KIF17: variants seen among roughly 807,000 people sequenced by gnomAD.
KIF17 encodes kinesin-like protein KIF17.
Under a neutral mutation model 96.8 loss-of-function variants are expected in KIF17, and 80 were observed. The observed-to-expected ratio is 0.83, with a 90% CI of 0.69 to 1.00. The LOEUF is 1.00. Among genes scored for constraint, KIF17 ranks in the 50% least tolerant of loss-of-function variants. The pLI is 0.00. For synonymous variants in KIF17, 567 were observed against 587.5 expected (o/e 0.97, Z 0.51); for missense variants, 1,280 against 1,372.9 (o/e 0.93, Z 1.07).
chr1:20,715,679 A>T (rs1390948408), intron 1 of KIF17, 40 bp from the exon 2 acceptor site: 1 of 1,612,890 alleles, frequency 6.2e-7, no homozygotes, highest in East Asian at 2.2e-5. Context: ...TCAGTGGAGC[A>T]GGCACAGCAG....
chr1:20,664,303 G>T lies in KIF17; in HGVS notation c.*281C>A. 7.4e-7 allele frequency: 1 copy of T among 1,357,038 alleles called. No individual in the cohort carries two copies. Among genetic ancestry groups the T allele is most frequent in the Middle Eastern group, 2.8e-4 (1 of 3,546 alleles). The allele number at this position is 1,357,038 out of a possible 1,614,324, so 84.1% of individuals were successfully genotyped here. A position where few individuals can be genotyped will look rare whatever the true frequency, so the allele number is the denominator to read the frequency against. On this transcript the variant is annotated 3_prime_UTR_variant, in exon 15 of 15. Coordinates refer to ENST00000400463, the MANE Select transcript of KIF17 (RefSeq NM_001122819.3). ...AAGACCAACACTGGTGGGCATGGGT[G>T]TGGGCTCTGTGGCAGGTGAGCAGAC...
rs761901347 is a variant in KIF17, at chr1:20,690,321, G to A, written c.1248C>T (p.Arg416=). 2.3e-6 allele frequency: 3 copies of A among 1,304,412 alleles called. No individual in the cohort carries two copies. The highest frequency in any genetic ancestry group is 3.5e-5 in the East Asian group (1 of 28,614). The allele number at this position is 1,304,412 out of a possible 1,614,324, so 80.8% of individuals were successfully genotyped here. A position where few individuals can be genotyped will look rare whatever the true frequency, so the allele number is the denominator to read the frequency against. The change falls in exon 7 of 15, where the codon CGC becomes CGT. Residue 416 remains arginine (R), a synonymous_variant. Transcript: ENST00000400463. ...TATAGTCGGCTTTCAGCCGGGCCAG[G>A]CGCTCTTCATACTCCTGGGGGGGTG... ...KQLIREEYEE[R]LARLKADYKA... is the part of the protein sequence containing the mutation.
At chr1:20,716,036 CAGG>C (rs1213044334) in intron 1 of KIF17, among the ~76,000 whole-genome samples, 1 of 152,176 alleles carries the variant, frequency 6.6e-6, no homozygotes, top group East Asian at 1.9e-4. Flanking sequence ...TACCTGAGGT[CAGG>C]AGTTCAAAAC....
chr1:20,671,866 C>T, intron 12 of KIF17, 72 bp downstream of exon 12: 3 of 1,569,856 alleles, frequency 1.9e-6, no homozygotes, highest in Non-Finnish European at 2.6e-6. Context: ...GAGGCCCACA[C>T]TCCCTGCCAG....
At chr1:20,690,043 TG>T in intron 7 of KIF17, 144 bp downstream of exon 7, 1 of 836,222 alleles carries the variant, frequency 1.2e-6, no homozygotes, top group Non-Finnish European at 1.9e-6. Context: ...AGCATAATTG[TG>T]GTACCTACCT....
intron 6 of KIF17, among the ~76,000 whole-genome samples, chr1:20,690,549 G>C (rs998250559): frequency 1.3e-5 from 2 of 151,810 alleles, no homozygotes; most frequent in Non-Finnish European, 2.9e-5. Flanking sequence ...TTGAGACAGG[G>C]TCTCACTCTG....
Position 20,717,569 on chromosome 1 carries a change from G to C in KIF17, c.138C>G (p.Asp46Glu). 6.2e-7 allele frequency: 1 copy of C among 1,611,794 alleles called. No individual in the cohort carries two copies. The part of the protein sequence containing the change: ...QCCIQNPGAA[D>E]EPPKQFTFDG... ...CGAAGGTGAACTGCTTGGGCGGCTCGTCGGCGGCGCCCGGGTTCTGGATGC... is the reference window on the plus strand; with the variant it reads ...CGAAGGTGAACTGCTTGGGCGGCTCCTCGGCGGCGCCCGGGTTCTGGATGC... Residue 46 changes from aspartate (D) to glutamate (E), a missense_variant, in exon 1 of 15, where the codon GAC becomes GAG. Transcript: ENST00000400463.
intron 2 of KIF17, among the ~76,000 whole-genome samples, chr1:20,714,099 A>G (rs530251094): frequency 1.6e-4 from 24 of 151,944 alleles, no homozygotes; most frequent in Non-Finnish European, 2.8e-4. Context: ...AGGCCAAGGC[A>G]GGCACATCAC....
rs1377491189 is a variant in KIF17 at position 20,699,950 on chromosome 1, G to C, written c.1124-1462C>G. Among the ~76,000 whole-genome samples the C allele has an allele frequency of 1.3e-5, 2 of 152,240 alleles. No homozygotes were observed. Among genetic ancestry groups the C allele is most frequent in the East Asian group, 3.9e-4 (2 of 5,190 alleles). On this transcript the variant is annotated intron_variant, in intron 5 of 14. Transcript: ENST00000400463. The surrounding 1 kb of genome is among the most constrained non-coding windows in gnomAD (Gnocchi z 4.3). ...CTTGCATTTGAACAGGCTCTCCCTGGCTGCTGCGTGGAGAGTGCACTGAGG... is the reference window on the plus strand; with the variant it reads ...CTTGCATTTGAACAGGCTCTCCCTGCCTGCTGCGTGGAGAGTGCACTGAGG...
rs542095772 is a variant in KIF17 at position 20,674,491 on chromosome 1, C to T, written c.2464-2295G>A. ...TGTTGTCCAGGCTGGTCTTGAACTC[C>T]TGGGTTCAAGCGATCCTCCCACTTC... On this transcript the variant is annotated intron_variant, in intron 11 of 14. Transcript: ENST00000400463. Among the ~76,000 whole-genome samples, 3 of 151,982 alleles carry T rather than the reference C, an allele frequency of 2.0e-5. No homozygotes were observed. The South Asian group carries it at 6.2e-4, about 32-fold the overall frequency.
At chr1:20,675,846 A>C (rs535070699) in intron 11 of KIF17, among the ~76,000 whole-genome samples, 1 of 151,856 alleles carries the variant, frequency 6.6e-6, no homozygotes, top group Non-Finnish European at 1.5e-5. Context: ...TTACTTTCAC[A>C]TTTTTTCATT....
Position 20,685,106 on chromosome 1 carries a change from G to C in KIF17, c.2020-86C>G, listed in dbSNP as rs944098772. 5 of 1,070,752 alleles carry C rather than the reference G, an allele frequency of 4.7e-6. No homozygotes were observed. Among genetic ancestry groups the C allele is most frequent in the Middle Eastern group, 2.0e-4 (1 of 5,072 alleles). The allele number at this position is 1,070,752 out of a possible 1,614,324, so 66.3% of individuals were successfully genotyped here. ...TCCCAGGTGGCTCAATCCCAGACGG[G>C]GCCATTCCGCCTGCTGCAGCCCCGA... On this transcript the variant is annotated intron_variant, in intron 9 of 14. Coordinates refer to ENST00000400463, the MANE Select transcript of KIF17 (RefSeq NM_001122819.3). The surrounding 1 kb of genome is among the most constrained non-coding windows in gnomAD (Gnocchi z 4.1).
intron 14 of KIF17, among the ~76,000 whole-genome samples, chr1:20,665,952 C>T (rs2053519173): frequency 6.6e-6 from 1 of 152,188 alleles, no homozygotes; most frequent in Non-Finnish European, 1.5e-5. Context: ...GCACTGAGTG[C>T]CTACTAGGGG....
rs2053853959 is a variant in KIF17 at position 20,682,778 on chromosome 1, G to A, written c.2338C>T (p.Gln780Ter). The A allele has an allele frequency of 1.9e-6, 3 of 1,612,870 alleles. No homozygotes were observed. Among genetic ancestry groups the A allele is most frequent in the Non-Finnish European group, 2.5e-6 (3 of 1,180,044 alleles). ...GAGTTCTGCAGGGCAGCCACCAGCT[G>A]CTTCCTGCGCTCGTCTGCGTAGCGC... ...RKRYADERRK[Q>*]LVAALQNSDE... Residue 780 changes from glutamine to a stop codon, truncating the protein, a stop_gained, in exon 11 of 15, where the codon CAG (glutamine) becomes TAG (stop). Coordinates refer to ENST00000400463, the MANE Select transcript of KIF17 (RefSeq NM_001122819.3). LOFTEE classifies it high-confidence loss of function.
At position 20,699,684 on chromosome 1, in the gene KIF17, G is replaced by A. The variant is rs1426345550; in HGVS notation, c.1124-1196C>T. On this transcript the variant is annotated intron_variant, in intron 5 of 14. Coordinates refer to ENST00000400463, the MANE Select transcript of KIF17 (RefSeq NM_001122819.3). This position sits in a 1 kb window ranked among gnomAD's most constrained non-coding sequence, Gnocchi z 4.3. The stretch of plus-strand genomic sequence containing the variant: ...CTAGACAGGAGGCGCTTGCTAGACA[G>A]GGGGAGCTTGCTAGACAGGGGGAGC... Among the ~76,000 whole-genome samples the A allele has an allele frequency of 6.6e-6, 1 of 152,152 alleles. No individual in the cohort carries two copies. The highest frequency in any genetic ancestry group is 1.5e-5 in the Non-Finnish European group (1 of 68,010).
At chr1:20,710,141 C>G (rs1308284014) in intron 3 of KIF17, among the ~76,000 whole-genome samples, 1 of 152,216 alleles carries the variant, frequency 6.6e-6, no homozygotes, top group Non-Finnish European at 1.5e-5. Context: ...ATAAGGCACA[C>G]ACAATGCTTA....
rs746439314 is a variant in KIF17, at chr1:20,704,729, G to A, written c.841C>T (p.Arg281Cys). 2.4e-5 allele frequency: 39 copies of A among 1,612,930 alleles called. No individual in the cohort carries two copies. Among genetic ancestry groups the A allele is most frequent in the Non-Finnish European group, 3.1e-5 (36 of 1,179,410 alleles). ...GNVISALVDGRCKHVPYRDSK... is the reference protein window; with the variant it reads ...GNVISALVDGCCKHVPYRDSK... ...TCACGGTAGGGGACGTGCTTACAGCGCCCGTCCACCAGCGCCGAGATGACA... is the reference window on the plus strand; with the variant it reads ...TCACGGTAGGGGACGTGCTTACAGCACCCGTCCACCAGCGCCGAGATGACA... The change falls in exon 5 of 15, where the codon CGC (arginine) becomes TGC (cysteine). Residue 281 changes from arginine (R) to cysteine (C), a missense_variant. Physicochemically the swap from Arg to Cys is radical, Grantham distance 180. Coordinates refer to ENST00000400463, the MANE Select transcript of KIF17 (RefSeq NM_001122819.3). This position sits in a 1 kb window ranked among gnomAD's most constrained non-coding sequence, Gnocchi z 6.8.
chr1:20,695,063 T>C (rs1275973064), intron 6 of KIF17, among the ~76,000 whole-genome samples: 1 of 151,964 alleles, frequency 6.6e-6, no homozygotes, highest in African/African-American at 2.4e-5. Context: ...TGCATACACA[T>C]GCACCCACAG....
At chr1:20,668,033 G>A (rs1002036608) in intron 13 of KIF17, among the ~76,000 whole-genome samples, 19 of 148,274 alleles carry the variant, frequency 1.3e-4, no homozygotes, top group Admixed American at 3.4e-4. Flanking sequence ...AGAGGTGGCC[G>A]GGCGCGGTGG....
Sources: allele counts gnomAD v4.1 joint callset (sites outside exome capture counted in the v4.1 genomes callset), GRCh38; gene constraint gnomAD v4.1.1; non-coding constraint Gnocchi (gnomAD v3.1); transcripts MANE v1.5; gene names NCBI Gene and HGNC (gene_info 2026-07-23, HGNC 2026-07-21).